Variants in MKLN1 observed in about 807,000 individuals in gnomAD.
The protein encoded by MKLN1 is muskelin.
Under a neutral mutation model 99.0 loss-of-function variants are expected in MKLN1, and 18 were observed. That is an observed-to-expected ratio of 0.18 (90% CI 0.13 to 0.27). MKLN1 has a LOEUF of 0.27. Ranked by LOEUF, MKLN1 falls within the 10% of genes least tolerant of loss-of-function variation. The pLI is 1.00. For synonymous variants in MKLN1, 288 were observed against 293.2 expected, an observed-to-expected ratio of 0.98 and a Z score of 0.18; for missense variants, 621 against 875.9, an observed-to-expected ratio of 0.71 and a Z score of 3.67.
chr7:131,115,157 G>C (rs991801815), intron 1 of MKLN1, among the ~76,000 whole-genome samples: 6 of 152,140 alleles, frequency 3.9e-5, no homozygotes, highest in South Asian at 4.1e-4. Context: ...AAATAAAAGA[G>C]AGTGGTGTAA....
At chr7:131,218,801 C>A (rs982590180) in intron 3 of MKLN1, among the ~76,000 whole-genome samples, 2 of 151,980 alleles carry the variant, frequency 1.3e-5, no homozygotes, top group African/African-American at 4.8e-5. Context: ...CGACCCCCGA[C>A]CTCTACCAAA....
intron 3 of MKLN1, among the ~76,000 whole-genome samples, chr7:131,292,997 C>A (rs1015047584): frequency 6.6e-6 from 1 of 152,186 alleles, no homozygotes; most frequent in Non-Finnish European, 1.5e-5. Flanking sequence ...AGACTGATTG[C>A]AATAGGAGGT....
intron 3 of MKLN1, among the ~76,000 whole-genome samples, chr7:131,276,750 C>T (rs1318204158): frequency 1.3e-5 from 2 of 152,156 alleles, no homozygotes; most frequent in African/African-American, 4.8e-5. Context: ...CATTTGTTCT[C>T]GTAGCATAAT....
intron 3 of MKLN1, among the ~76,000 whole-genome samples, chr7:131,273,545 C>T (rs768865512): frequency 2.0e-5 from 3 of 151,994 alleles, no homozygotes; most frequent in Non-Finnish European, 2.9e-5. Flanking sequence ...GTGGTTCAGC[C>T]GGCCAGTTGA....
intron 1 of MKLN1, among the ~76,000 whole-genome samples, chr7:131,365,849 G>C (rs993046105): frequency 1.3e-5 from 2 of 151,914 alleles, no homozygotes; most frequent in African/African-American, 4.8e-5. Context: ...GATCCCCTTG[G>C]CCACAGATAA....
chr7:131,271,109 C>G (rs1797877260), intron 3 of MKLN1, among the ~76,000 whole-genome samples: 1 of 152,114 alleles, frequency 6.6e-6, no homozygotes, highest in African/African-American at 2.4e-5. Flanking sequence ...AGGAGACTAG[C>G]ATGTAAACTA....
intron 3 of MKLN1, among the ~76,000 whole-genome samples, chr7:131,296,459 G>C (rs1798292973): frequency 6.6e-6 from 1 of 152,158 alleles, no homozygotes; most frequent in South Asian, 2.1e-4. Context: ...AACAGTGCTT[G>C]CCTTGTGATA....
intron 1 of MKLN1, among the ~76,000 whole-genome samples, chr7:131,352,280 C>G (rs934994799): frequency 2.6e-5 from 4 of 152,068 alleles, no homozygotes; most frequent in African/African-American, 9.7e-5. Flanking sequence ...TCTTTATTTT[C>G]TTGCTTTTTG....
intron 14 of MKLN1, among the ~76,000 whole-genome samples, chr7:131,465,458 G>A (rs1796631666): frequency 1.3e-5 from 2 of 152,184 alleles, no homozygotes; most frequent in African/African-American, 4.8e-5. Context: ...TTGAATTATG[G>A]AATAATGTTT....
chr7:131,368,999 ATC>A (rs1491107797), intron 1 of MKLN1, among the ~76,000 whole-genome samples: 1 of 113,818 alleles, frequency 8.8e-6, no homozygotes, highest in Non-Finnish European at 1.8e-5. Flanking sequence ...TATCTGTATA[ATC>A]ACACACACAC....
intron 15 of MKLN1, among the ~76,000 whole-genome samples, chr7:131,470,495 GA>G (rs1259416696): frequency 1.3e-5 from 2 of 152,266 alleles, no homozygotes; most frequent in East Asian, 3.9e-4. Flanking sequence ...AACACATTGG[GA>G]TTTTCTGAAG....
At chr7:131,474,563 C>G (rs1212886803) in intron 16 of MKLN1, among the ~76,000 whole-genome samples, 1 of 152,116 alleles carries the variant, frequency 6.6e-6, no homozygotes, top group Non-Finnish European at 1.5e-5. Flanking sequence ...ATAGTTTTCT[C>G]CTTATCCTAT....
At chr7:131,390,042 C>T (rs1231738177) in intron 4 of MKLN1, among the ~76,000 whole-genome samples, 1 of 152,046 alleles carries the variant, frequency 6.6e-6, no homozygotes, top group Non-Finnish European at 1.5e-5. Context: ...AGAATAATTA[C>T]TCTTTTGGAG....
At position 131,126,605 on chromosome 7, in the gene MKLN1, G is replaced by A. The variant is rs185515475; in HGVS notation, c.-418-16215G>A. Among the ~76,000 whole-genome samples the A allele has an allele frequency of 1.3e-3, 199 of 152,232 alleles. 1 individual carries two copies. The highest frequency in any genetic ancestry group is 4.5e-3 in the African/African-American group (189 of 41,550). On this transcript the variant is annotated intron_variant, in intron 1 of 7. Transcript: ENST00000416992. ...TTTCACTCTTGTCACCCAGGCTGGAGTGCAGTGGTGCGATCTTGGCTCACT... is the reference window on the plus strand; with the variant it reads ...TTTCACTCTTGTCACCCAGGCTGGAATGCAGTGGTGCGATCTTGGCTCACT...
chr7:131,238,950 T>C (rs2116489887), intron 3 of MKLN1, among the ~76,000 whole-genome samples: 1 of 152,302 alleles, frequency 6.6e-6, no homozygotes, highest in South Asian at 2.1e-4. Flanking sequence ...TAGAATTTAG[T>C]TGCATGGCCA....
intron 12 of MKLN1, among the ~76,000 whole-genome samples, chr7:131,453,042 A>AAT (rs1227017582): frequency 6.6e-6 from 1 of 152,208 alleles, no homozygotes; most frequent in East Asian, 1.9e-4. Flanking sequence ...TCATTATTCA[A>AAT]ACAGAGTATC....
intron 1 of MKLN1, among the ~76,000 whole-genome samples, chr7:131,347,777 C>T (rs906270813): frequency 6.6e-6 from 1 of 152,078 alleles, no homozygotes; most frequent in Non-Finnish European, 1.5e-5. Context: ...TTTGGTTAAT[C>T]TGATGCCTAT....
At chr7:131,229,850 A>G (rs935152300) in intron 3 of MKLN1, among the ~76,000 whole-genome samples, 4 of 152,160 alleles carry the variant, frequency 2.6e-5, no homozygotes, top group Admixed American at 6.5e-5. Context: ...CACCACACTT[A>G]GGCGGTGAAT....
At chr7:131,153,664 G>GTTTTTT (rs11464377) in intron 2 of MKLN1, among the ~76,000 whole-genome samples, 15 of 139,522 alleles carry the variant, frequency 1.1e-4, no homozygotes, top group African/African-American at 3.5e-4. Flanking sequence ...GTTTTTTTTG[G>GTTTTTT]TTTTTTTTTT....
Sources: allele counts gnomAD v4.1 joint callset (sites outside exome capture counted in the v4.1 genomes callset), GRCh38; gene constraint gnomAD v4.1.1; transcripts MANE v1.5; gene names NCBI Gene and HGNC (gene_info 2026-07-23, HGNC 2026-07-21).